Variants in VPS13D observed in about 807,000 individuals in gnomAD.
The protein encoded by VPS13D is vacuolar protein sorting 13 homolog D.
VPS13D carries 187 observed loss-of-function variants against 461.9 expected under a neutral mutation model. That is an observed-to-expected ratio of 0.40 (90% CI 0.36 to 0.46). The LOEUF is 0.46. Ranked by LOEUF, VPS13D falls within the 20% of genes least tolerant of loss-of-function variation. VPS13D has a pLI of 0.60. For synonymous variants in VPS13D, 1,951 were observed against 1,986.3 expected (o/e 0.98, Z 0.47); for missense variants, 4,711 against 5,364.9 (o/e 0.88, Z 3.81).
intron 65 of VPS13D, among the ~76,000 whole-genome samples, chr1:12,420,687 G>C (rs1644852051): frequency 6.6e-6 from 1 of 152,136 alleles, no homozygotes; most frequent in African/African-American, 2.4e-5. Flanking sequence ...TACATTGAGG[G>C]GAGCTTGGGG....
rs12062327 is a variant in VPS13D at position 12,501,985 on chromosome 1, T to G, written c.12794+4354T>G. On this transcript the variant is annotated intron_variant, in intron 68 of 69. Coordinates refer to ENST00000620676, the MANE Select transcript of VPS13D (RefSeq NM_015378.4). Reference sequence around the variant, plus strand: ...GTCTGGGGAATTTGGGGTCAGCTTTTTGTAGCAGCAGCACGTGTGGAAAGA... The same window carrying G: ...GTCTGGGGAATTTGGGGTCAGCTTTGTGTAGCAGCAGCACGTGTGGAAAGA... Among the ~76,000 whole-genome samples the G allele has an allele frequency of 1.0e-2, 1,518 of 152,212 alleles. 29 individuals are homozygous for G. The highest frequency in any genetic ancestry group is 0.033 in the African/African-American group (1,388 of 41,508).
intron 22 of VPS13D, 108 bp from the exon 23 acceptor site, chr1:12,290,890 A>G: frequency 9.1e-7 from 1 of 1,102,754 alleles, no homozygotes; most frequent in South Asian, 3.0e-5. Flanking sequence ...GTTTGATTAC[A>G]AAGTGAAAAG....
chr1:12,267,313 C>A (rs1219713181), intron 14 of VPS13D, among the ~76,000 whole-genome samples: 1 of 152,190 alleles, frequency 6.6e-6, no homozygotes, highest in Non-Finnish European at 1.5e-5. Context: ...ATCTGACAGT[C>A]ATTTTCATGC....
In VPS13D at chr1:12,299,063, C is replaced by T. The variant is rs974327202; in HGVS notation, c.6034-139C>T. 1.9e-5 allele frequency: 13 copies of T among 685,298 alleles called. No homozygotes were observed. The highest frequency in any genetic ancestry group is 2.4e-5 in the Non-Finnish European group (11 of 455,372). The allele number at this position is 685,298 out of a possible 1,614,324, so 42.5% of individuals were successfully genotyped here. A position where few individuals can be genotyped will look rare whatever the true frequency, so the allele number is the denominator to read the frequency against. The stretch of plus-strand genomic sequence containing the variant: ...TTCTTGTTACTGACTTCCAGTTTAA[C>T]TCCATGGTGGTCATAGAATATGCTC... On this transcript the variant is annotated intron_variant, in intron 24 of 69. Coordinates refer to ENST00000620676, the MANE Select transcript of VPS13D (RefSeq NM_015378.4). This position sits in a 1 kb window ranked among gnomAD's most constrained non-coding sequence, Gnocchi z 4.2.
chr1:12,376,227 A>T (rs1385013235), intron 55 of VPS13D, among the ~76,000 whole-genome samples: 1 of 152,220 alleles, frequency 6.6e-6, no homozygotes, highest in Non-Finnish European at 1.5e-5. Flanking sequence ...GCTTAGCTTC[A>T]TCTCTTTTTG....
At chr1:12,423,694 G>T (rs1644889876) in intron 65 of VPS13D, among the ~76,000 whole-genome samples, 1 of 152,210 alleles carries the variant, frequency 6.6e-6, no homozygotes, top group Non-Finnish European at 1.5e-5. Context: ...CCATGATCCA[G>T]TGGAAACTGA....
chr1:12,386,414 AG>A, intron 60 of VPS13D, 80 bp downstream of exon 60: 1 of 1,438,026 alleles, frequency 7.0e-7, no homozygotes, highest in Non-Finnish European at 9.3e-7. Flanking sequence ...TGATGTTCTA[AG>A]AACTTTAATG....
rs1644087407 is a variant in VPS13D at position 12,369,469 on chromosome 1, C to G, written c.10575C>G (p.Val3525=). 6.2e-7 allele frequency: 1 copy of G among 1,614,062 alleles called. No homozygotes were observed. The highest frequency in any genetic ancestry group is 8.5e-7 in the Non-Finnish European group (1 of 1,179,994). Residue 3525 remains valine (V), a splice_region_variant and synonymous_variant, in exon 54 of 70, where the codon GTC becomes GTG. Coordinates refer to ENST00000620676, the MANE Select transcript of VPS13D (RefSeq NM_015378.4). ...TGTCCTCTCTGCCATCACTCTAGGT[C>G]CCGGTTGTCTTTACTCAGCATGGCG... The part of the protein sequence containing the change: ...PPFRIDNFSK[V]PVVFTQHGVA...
chr1:12,305,305 C>G (rs12118165), intron 26 of VPS13D, among the ~76,000 whole-genome samples: 4,674 of 152,000 alleles, frequency 0.031, 98 homozygotes, highest in Non-Finnish European at 0.049. Context: ...GACAGGGTCT[C>G]TCACTGTCTC....
intron 12 of VPS13D, among the ~76,000 whole-genome samples, chr1:12,261,683 C>T (rs565504639): frequency 2.0e-5 from 3 of 152,252 alleles, no homozygotes; most frequent in African/African-American, 7.2e-5. Flanking sequence ...TCTTATCCTC[C>T]CTGGTTTGAT....
At position 12,283,582 on chromosome 1, in the gene VPS13D, T is replaced by C. The variant is rs749491326; in HGVS notation, c.5480T>C (p.Val1827Ala). 1.2e-6 allele frequency: 2 copies of C among 1,614,094 alleles called. No homozygotes were observed. The highest frequency in any genetic ancestry group is 1.1e-5 in the South Asian group (1 of 91,076). The change falls in exon 21 of 70, where the codon GTT becomes GCT. Residue 1827 changes from valine (V) to alanine (A), a missense_variant. Val to Ala is a moderately conservative substitution (Grantham distance 64). Coordinates refer to ENST00000620676, the MANE Select transcript of VPS13D (RefSeq NM_015378.4). ...LDVLITLQTW[V>A]VILDFFGIGS... Reference sequence around the variant, plus strand: ...GTGCTGATCACACTGCAAACCTGGGTTGTGATATTAGACTTTTTTGGAATC... The same window carrying C: ...GTGCTGATCACACTGCAAACCTGGGCTGTGATATTAGACTTTTTTGGAATC...
At chr1:12,301,692 G>A (rs946061356) in intron 25 of VPS13D, among the ~76,000 whole-genome samples, 3 of 152,166 alleles carry the variant, frequency 2.0e-5, no homozygotes, top group Admixed American at 6.5e-5. Context: ...CTCTAGCCCC[G>A]CTGCTCTCCC....
At chr1:12,337,742 G>A (rs748747997) in intron 39 of VPS13D, 22 of 154,022 alleles carry the variant, frequency 1.4e-4, no homozygotes, top group Non-Finnish European at 2.7e-4. Context: ...ACAACTCCTT[G>A]GTAGAGATTG....
At chr1:12,382,065 C>G (rs1279264985) in intron 57 of VPS13D, among the ~76,000 whole-genome samples, 1 of 148,156 alleles carries the variant, frequency 6.7e-6, no homozygotes, top group South Asian at 2.2e-4. Flanking sequence ...CCTTTCTTCT[C>G]TCTCTTTCTT....
rs571503565 is a variant in VPS13D, at chr1:12,373,095, G to GTTT, written c.10809-630_10809-628dup. Among the ~76,000 whole-genome samples the GTTT allele has an allele frequency of 9.8e-3, 365 of 37,080 alleles. 28 individuals carry two copies. The highest frequency in any genetic ancestry group is 0.018 in the East Asian group (19 of 1,060). The allele number at this position is 37,080 out of a possible 152,430, so 24.3% of individuals were successfully genotyped here. On this transcript the variant is annotated intron_variant, in intron 54 of 69. Coordinates refer to ENST00000620676, the MANE Select transcript of VPS13D (RefSeq NM_015378.4). ...TTGGTCCCTTGAATTGTCTGGCTTG[G>GTTT]TTTTTTTTTTTTTTTTTTTTTTTTT...
intron 66 of VPS13D, among the ~76,000 whole-genome samples, chr1:12,458,567 T>TAAA (rs111566093): frequency 7.1e-6 from 1 of 141,704 alleles, no homozygotes. Context: ...ACCCTGTTTC[T>TAAA]AAAAAAAAAA....
intron 65 of VPS13D, among the ~76,000 whole-genome samples, chr1:12,444,467 C>T (rs1252903132): frequency 6.6e-6 from 1 of 152,014 alleles, no homozygotes; most frequent in Non-Finnish European, 1.5e-5. Context: ...TTGTTTCTGC[C>T]CCCTTTTTTT....
chr1:12,504,144 A>T (rs1646072673), intron 68 of VPS13D, among the ~76,000 whole-genome samples: 1 of 151,856 alleles, frequency 6.6e-6, no homozygotes, highest in South Asian at 2.1e-4. Context: ...CAGATTTTGT[A>T]AAAAAAAGAA....
At chr1:12,352,435 T>G (rs774476791) in intron 46 of VPS13D, among the ~76,000 whole-genome samples, 3 of 151,954 alleles carry the variant, frequency 2.0e-5, no homozygotes, top group Admixed American at 6.6e-5. Context: ...GAACGGACAA[T>G]TTACAGAAGA....
Sources: allele counts gnomAD v4.1 joint callset (sites outside exome capture counted in the v4.1 genomes callset), GRCh38; gene constraint gnomAD v4.1.1; non-coding constraint Gnocchi (gnomAD v3.1); transcripts MANE v1.5; gene names NCBI Gene and HGNC (gene_info 2026-07-23, HGNC 2026-07-21).